MTR: variants seen among roughly 807,000 people sequenced by gnomAD.
MTR encodes the protein methionine synthase.
Under a neutral mutation model 154.8 loss-of-function variants are expected in MTR, and 84 were observed. The observed-to-expected ratio is 0.54, with a 90% confidence interval of 0.45 to 0.65. The LOEUF is 0.65. MTR is among the 30% of genes least tolerant of loss of function. The pLI is 0.00. For missense variants in MTR, 1,275 were observed against 1,570.2 expected, an observed-to-expected ratio of 0.81 and a Z score of 3.18; for synonymous variants, 554 against 553.9, an observed-to-expected ratio of 1.00 and a Z score of 0.00.
intron 1 of MTR, among the ~76,000 whole-genome samples, chr1:236,799,680 A>C (rs1168933487): frequency 6.6e-6 from 1 of 152,180 alleles, no homozygotes; most frequent in African/African-American, 2.4e-5. Flanking sequence ...TAAGAAAACA[A>C]ATTAGCTTTA....
At chr1:236,823,433 A>C (rs778349356) in intron 8 of MTR, among the ~76,000 whole-genome samples, 1 of 152,238 alleles carries the variant, frequency 6.6e-6, no homozygotes, top group Non-Finnish European at 1.5e-5. Context: ...TATATTAACT[A>C]AACTGCAGAC....
At position 236,897,767 on chromosome 1, in the gene MTR, G is replaced by C; in HGVS notation, c.*123G>C. 1.2e-6 allele frequency: 1 copy of C among 840,768 alleles called. No individual in the cohort carries two copies. Among genetic ancestry groups the C allele is most frequent in the Non-Finnish European group, 1.9e-6 (1 of 514,654 alleles). 52.1% of individuals were successfully genotyped at this position (840,768 alleles called of 1,614,324 possible). A position where few individuals can be genotyped will look rare whatever the true frequency, so the allele number is the denominator to read the frequency against. On this transcript the variant is annotated 3_prime_UTR_variant, in exon 33 of 33. Coordinates refer to ENST00000366577, the MANE Select transcript of MTR (RefSeq NM_000254.3). ...TCTGGCTGACACTTACCTGCTTCTG[G>C]TTTTCGAAGACTATTTAGTGGAACC...
At chr1:236,868,856 C>T (rs1051192654) in intron 22 of MTR, among the ~76,000 whole-genome samples, 5 of 152,156 alleles carry the variant, frequency 3.3e-5, no homozygotes, top group African/African-American at 4.8e-5. Context: ...GTCAAAGATA[C>T]GGTAATGCAG....
At chr1:236,853,111 A>G (rs2103255670) in intron 18 of MTR, 23 bp downstream of exon 18, 1 of 1,613,412 alleles carries the variant, frequency 6.2e-7, no homozygotes, top group East Asian at 2.2e-5. Context: ...GTGTTCTAAT[A>G]GATGGATTTT....
At chr1:236,878,486 T>C (rs2147894231) in intron 24 of MTR, among the ~76,000 whole-genome samples, 1 of 152,250 alleles carries the variant, frequency 6.6e-6, no homozygotes, top group African/African-American at 2.4e-5. Context: ...ACCCCCAAGA[T>C]ACTCGAAATG....
Position 236,835,675 on chromosome 1 carries a change from A to G in MTR, c.1317A>G (p.Pro439=). The G allele has an allele frequency of 6.2e-7, 1 of 1,612,686 alleles. No homozygotes were observed. The highest frequency in any genetic ancestry group is 8.5e-7 in the Non-Finnish European group (1 of 1,179,788). The stretch of plus-strand genomic sequence containing the variant: ...TTTGCAACTTAATTGCTTCCGAGCC[A>G]GACATCGCAAAGGTTATACAAAGTT... ...TRFCNLIASE[P]DIAKVPLCID... Residue 439 remains proline (P), a synonymous_variant, in exon 14 of 33, where the codon CCA becomes CCG. Transcript: ENST00000366577.
chr1:236,844,498 G>A (rs980872316), intron 15 of MTR, among the ~76,000 whole-genome samples: 3 of 88,700 alleles, frequency 3.4e-5, no homozygotes, highest in African/African-American at 1.3e-4. Flanking sequence ...GTGTGTGTGT[G>A]TGTGTAGATG....
intron 28 of MTR, among the ~76,000 whole-genome samples, chr1:236,890,230 G>A (rs3768152): frequency 0.072 from 10,933 of 152,110 alleles, 762 homozygotes; most frequent in African/African-American, 0.18. Flanking sequence ...ATGAGCAAGG[G>A]GCTTCTTAGT....
chr1:236,801,997 A>G (rs749499716), intron 1 of MTR, among the ~76,000 whole-genome samples: 2 of 152,202 alleles, frequency 1.3e-5, no homozygotes, highest in Non-Finnish European at 2.9e-5. Flanking sequence ...CATGGATGCA[A>G]ACTAGAGCTC....
In MTR at chr1:236,899,353, C is replaced by T. The variant is rs117242127; in HGVS notation, c.*1709C>T. The stretch of plus-strand genomic sequence containing the variant: ...CTGAGCAGGGGAACAAAATAAGGGC[C>T]TAGAAACTCACCCGTGCATATGTTG... On this transcript the variant is annotated 3_prime_UTR_variant, in exon 33 of 33. Transcript: ENST00000366577. 1 of 152,282 alleles carries T rather than the reference C, an allele frequency of 6.6e-6. No individual in the cohort carries two copies. Among genetic ancestry groups the T allele is most frequent in the East Asian group, 1.9e-4 (1 of 5,184 alleles). The allele number at this position is 152,282 out of a possible 1,614,324, so 9.4% of individuals were successfully genotyped here.
rs1171736020 is a variant in MTR, at chr1:236,850,475, A to T, written c.1647A>T (p.Glu549Asp). 1 of 1,613,856 alleles carries T rather than the reference A, an allele frequency of 6.2e-7. No individual in the cohort carries two copies. The highest frequency in any genetic ancestry group is 1.7e-5 in the Admixed American group (1 of 59,998). ...TAACCATTGGGACTGGAATGGAGGAACACAACTTGTATGCCATTAATTTTA... is the reference window on the plus strand; with the variant it reads ...TAACCATTGGGACTGGAATGGAGGATCACAACTTGTATGCCATTAATTTTA... Reference protein sequence around the residue: ...NILTIGTGMEEHNLYAINFIH... With the variant: ...NILTIGTGMEDHNLYAINFIH... The change falls in exon 16 of 33, where the codon GAA becomes GAT. Residue 549 changes from glutamate (E) to aspartate (D), a missense_variant. Transcript: ENST00000366577.
chr1:236,803,461 A>T lies in MTR; in HGVS notation c.68A>T (p.Asn23Ile). 1 of 1,614,178 alleles carries T rather than the reference A, an allele frequency of 6.2e-7. No homozygotes were observed. The highest frequency in any genetic ancestry group is 8.5e-7 in the Non-Finnish European group (1 of 1,180,026). The change falls in exon 2 of 33, where the codon AAT becomes ATT. Residue 23 changes from asparagine (N) to isoleucine (I), a missense_variant. Transcript: ENST00000366577. ...GLKKTLRDEI[N>I]AILQKRIMVL... ...AAGAAAACCCTGCGGGATGAGATCA[A>T]TGCCATTCTGCAGAAGAGGATTATG...
At chr1:236,861,555 T>C (rs1664545619) in intron 20 of MTR, among the ~76,000 whole-genome samples, 1 of 152,272 alleles carries the variant, frequency 6.6e-6, no homozygotes, top group African/African-American at 2.4e-5. Context: ...TGCCTATCTC[T>C]CCCCTCCAAA....
At chr1:236,831,840 C>A in intron 12 of MTR, 126 bp from the exon 13 acceptor site, 1 of 717,308 alleles carries the variant, frequency 1.4e-6, no homozygotes, top group Non-Finnish European at 2.5e-6. Flanking sequence ...CACATTGGAT[C>A]TCCTATCTGC....
chr1:236,802,621 C>T (rs1218925363), intron 1 of MTR, among the ~76,000 whole-genome samples: 2 of 151,782 alleles, frequency 1.3e-5, no homozygotes, highest in Non-Finnish European at 2.9e-5. Context: ...CAGAAAACTT[C>T]TTTGTACGGG....
Position 236,891,277 on chromosome 1 carries a change from C to T in MTR, c.3152C>T (p.Ala1051Val). ...GACATTCACCTGTACGCAGAGGCTG[C>T]TGTGCCCCAGGCTGCAGAGCCCATA... ...QDDIHLYAEA[A>V]VPQAAEPIAT... is the part of the protein sequence containing the mutation. The change falls in exon 29 of 33, where the codon GCT (alanine) becomes GTT (valine). Residue 1051 changes from alanine (A) to valine (V), a missense_variant. Physicochemically the swap from Ala to Val is moderately conservative, Grantham distance 64 (BLOSUM62 0). Transcript: ENST00000366577. 1 of 1,614,178 alleles carries T rather than the reference C, an allele frequency of 6.2e-7. No individual in the cohort carries two copies. The highest frequency in any genetic ancestry group is 8.5e-7 in the Non-Finnish European group (1 of 1,180,028).
chr1:236,806,246 T>C lies in MTR; in HGVS notation c.339+13T>C. ...CCTTGAACACTTGGTAAGAATTCCA[T>C]TGTTCCATGTGTCTAAGATGCTTAC... On this transcript the variant is annotated intron_variant, in intron 3 of 32. Transcript: ENST00000366577. The C allele has an allele frequency of 6.2e-7, 1 of 1,601,660 alleles. No homozygotes were observed. The highest frequency in any genetic ancestry group is 8.6e-7 in the Non-Finnish European group (1 of 1,168,648).
intron 21 of MTR, among the ~76,000 whole-genome samples, chr1:236,863,108 C>T (rs1664639581): frequency 6.6e-6 from 1 of 152,124 alleles, no homozygotes; most frequent in Non-Finnish European, 1.5e-5. Context: ...CTGTTCCTTC[C>T]CCTCTCCCCT....
Position 236,810,319 on chromosome 1 carries a change from G to A in MTR, c.410-184G>A, listed in dbSNP as rs115026273. Among the ~76,000 whole-genome samples the A allele has an allele frequency of 2.0e-3, 303 of 152,280 alleles. 1 individual carries two copies. The highest frequency in any genetic ancestry group is 5.8e-3 in the African/African-American group (240 of 41,542). ...TATAAATAGTCTCTCGTTAGTTTAG[G>A]AGAGGTCAAGTTTTATTGTCAAACT... On this transcript the variant is annotated intron_variant, in intron 4 of 32. Coordinates refer to ENST00000366577, the MANE Select transcript of MTR (RefSeq NM_000254.3).
Sources: allele counts gnomAD v4.1 joint callset (sites outside exome capture counted in the v4.1 genomes callset), GRCh38; gene constraint gnomAD v4.1.1; transcripts MANE v1.5; gene names NCBI Gene and HGNC (gene_info 2026-07-23, HGNC 2026-07-21).